Variants in RBFOX1 observed in about 807,000 individuals in gnomAD.
The protein encoded by RBFOX1 is RNA binding fox-1 homolog 1, also known as RNA binding protein fox-1 homolog 1.
In RBFOX1, 8 loss-of-function variants were observed where a neutral mutation model predicts 57.7. The observed-to-expected ratio is 0.14, with a 90% CI of 0.08 to 0.25. The LOEUF (loss-of-function observed/expected upper bound fraction) is 0.25, where lower values mean the gene tolerates loss of function less well. Among genes scored for constraint, RBFOX1 ranks in the 10% least tolerant of loss-of-function variants. The pLI, the probability that RBFOX1 is intolerant of heterozygous loss-of-function variation, is 1.00. For synonymous variants in RBFOX1, 326 were observed against 222.4 expected (o/e 1.47, Z -4.15); for missense variants, 611 against 548.5 (o/e 1.11, Z -1.14).
At chr16:6,707,796 T>C (rs1453294626) in intron 3 of RBFOX1, among the ~76,000 whole-genome samples, 1 of 152,190 alleles carries the variant, frequency 6.6e-6, no homozygotes, top group Non-Finnish European at 1.5e-5. Context: ...TATTAAATTC[T>C]TATTTATGTG....
intron 3 of RBFOX1, among the ~76,000 whole-genome samples, chr16:6,833,093 C>T (rs941174915): frequency 6.6e-6 from 1 of 151,384 alleles, no homozygotes; most frequent in African/African-American, 2.4e-5. Context: ...ACTCACTCCT[C>T]TTTCTGGAAG....
chr16:5,939,643 T>G (rs921858631), intron 4 of RBFOX1, among the ~76,000 whole-genome samples: 2 of 152,190 alleles, frequency 1.3e-5, no homozygotes, highest in Non-Finnish European at 2.9e-5. Context: ...CATATTCTAT[T>G]TATTAGAGAG....
intron 2 of RBFOX1, among the ~76,000 whole-genome samples, chr16:6,604,762 C>G (rs896386669): frequency 2.0e-5 from 3 of 152,034 alleles, no homozygotes; most frequent in Non-Finnish European, 4.4e-5. Context: ...TATATGATTC[C>G]AAGATTCTAT....
At chr16:6,423,572 C>G (rs1386597265) in intron 2 of RBFOX1, among the ~76,000 whole-genome samples, 2 of 152,076 alleles carry the variant, frequency 1.3e-5, no homozygotes, top group Non-Finnish European at 2.9e-5. Flanking sequence ...GCACTCCAGC[C>G]TGGCTGGGTG....
rs917233672 is a variant in RBFOX1 at position 7,160,166 on chromosome 16, G to T, written c.27+108068G>T. Reference sequence around the variant, plus strand: ...TTTCAAAGGAATTCTGAGGATTCTTGGTTTCCAAACTTCATATGACTTTTG... The same window carrying T: ...TTTCAAAGGAATTCTGAGGATTCTTTGTTTCCAAACTTCATATGACTTTTG... On this transcript the variant is annotated intron_variant, in intron 4 of 15. Transcript: ENST00000550418. Among the ~76,000 whole-genome samples the T allele has an allele frequency of 2.0e-5, 3 of 150,670 alleles. No homozygotes were observed. In the South Asian group the frequency reaches 6.3e-4, roughly 32 times the overall value.
intron 1 of RBFOX1, among the ~76,000 whole-genome samples, chr16:5,280,452 A>C (rs2063244068): frequency 6.6e-6 from 1 of 152,222 alleles, no homozygotes. Context: ...GGCCTTATAC[A>C]ATGAGTTAGG....
At chr16:5,829,778 C>T (rs1343484713) in intron 3 of RBFOX1, among the ~76,000 whole-genome samples, 1 of 152,282 alleles carries the variant, frequency 6.6e-6, no homozygotes, top group East Asian at 1.9e-4. Context: ...CCCCAAAGGC[C>T]TTTGAATGCC....
chr16:5,812,251 A>C (rs1279445700), intron 3 of RBFOX1, among the ~76,000 whole-genome samples: 1 of 152,202 alleles, frequency 6.6e-6, no homozygotes, highest in Admixed American at 6.5e-5. Context: ...GGATATGAAC[A>C]GTTCTGTATA....
intron 1 of RBFOX1, among the ~76,000 whole-genome samples, chr16:6,090,957 G>A (rs1364708096): frequency 6.6e-6 from 1 of 152,318 alleles, no homozygotes; most frequent in African/African-American, 2.4e-5. Flanking sequence ...TGTATGGGAA[G>A]CATGTGATAT....
At chr16:5,762,553 G>T (rs748579475) in intron 3 of RBFOX1, among the ~76,000 whole-genome samples, 1 of 152,130 alleles carries the variant, frequency 6.6e-6, no homozygotes, top group Admixed American at 6.5e-5. Context: ...TTCCACTTTG[G>T]GAAATTTCCC....
chr16:6,597,639 A>G (rs1567821148), intron 2 of RBFOX1, among the ~76,000 whole-genome samples: 1 of 152,032 alleles, frequency 6.6e-6, no homozygotes, highest in Non-Finnish European at 1.5e-5. Flanking sequence ...GCACCATTGC[A>G]CTCCAGCTTG....
chr16:6,424,021 C>G (rs184420737), intron 2 of RBFOX1, among the ~76,000 whole-genome samples: 2 of 152,100 alleles, frequency 1.3e-5, no homozygotes, highest in Admixed American at 1.3e-4. Context: ...AGGTGGATCA[C>G]TAGGTCAGGA....
chr16:7,511,045 G>A (rs961282236), intron 4 of RBFOX1, among the ~76,000 whole-genome samples: 16 of 152,196 alleles, frequency 1.1e-4, no homozygotes, highest in Admixed American at 7.2e-4. Context: ...AAATACAGGT[G>A]TGTGAGTGTG....
intron 3 of RBFOX1, among the ~76,000 whole-genome samples, chr16:6,970,931 C>A (rs563197299): frequency 6.6e-6 from 1 of 152,308 alleles, no homozygotes; most frequent in Admixed American, 6.5e-5. Flanking sequence ...TTGTCTGAAA[C>A]ACATGCACAC....
rs866876064 is a variant in RBFOX1 at position 5,633,309 on chromosome 16, C to G, written c.318+34348C>G. On this transcript the variant is annotated intron_variant, in intron 3 of 19. Coordinates refer to the RBFOX1 transcript ENST00000641259. The stretch of plus-strand genomic sequence containing the variant: ...CTCTTCTCCCTGGAACCACACACTT[C>G]TGGTTTCTTTTCTCATTCCAAAGCA... Among the ~76,000 whole-genome samples the G allele has an allele frequency of 4.6e-5, 7 of 152,256 alleles. No individual in the cohort carries two copies. The South Asian group carries it at 1.0e-3, about 23-fold the overall frequency.
chr16:6,768,366 G>T (rs1181519047), intron 3 of RBFOX1, among the ~76,000 whole-genome samples: 1 of 151,710 alleles, frequency 6.6e-6, no homozygotes, highest in South Asian at 2.1e-4. Flanking sequence ...TAGGGTAGAT[G>T]GTGTAGTTTT....
intron 3 of RBFOX1, among the ~76,000 whole-genome samples, chr16:5,636,378 A>C (rs2048686813): frequency 6.6e-6 from 1 of 152,060 alleles, no homozygotes; most frequent in African/African-American, 2.4e-5. Flanking sequence ...AAATTAAAAA[A>C]CCTATTTAAT....
At chr16:5,385,576 G>A (rs1045635819) in intron 1 of RBFOX1, among the ~76,000 whole-genome samples, 2 of 152,116 alleles carry the variant, frequency 1.3e-5, no homozygotes, top group African/African-American at 2.4e-5. Flanking sequence ...TAGATCAGCC[G>A]CCTAATGGGC....
At chr16:6,786,362 G>T (rs567042942) in intron 3 of RBFOX1, among the ~76,000 whole-genome samples, 7 of 152,204 alleles carry the variant, frequency 4.6e-5, no homozygotes, top group Admixed American at 3.9e-4. Flanking sequence ...GAGAGTCCCT[G>T]TTGTCCCAGA....
Sources: gnomAD v4.1 joint callset for allele counts (sites outside exome capture counted in the v4.1 genomes callset) on GRCh38, gnomAD v4.1.1 for gene constraint, MANE v1.5 for transcripts, NCBI Gene and HGNC (gene_info 2026-07-23, HGNC 2026-07-21) for gene names.